Variants in NRG1 observed in about 807,000 individuals in gnomAD.
The protein encoded by NRG1 is pro-neuregulin-1, membrane-bound isoform.
In NRG1, 18 loss-of-function variants were observed where a neutral mutation model predicts 63.8. The ratio of observed to expected loss-of-function variants is 0.28; its 90% CI spans 0.19 to 0.42. NRG1 has a LOEUF of 0.42. NRG1 is among the 10% of genes least tolerant of loss of function. The pLI, the probability that NRG1 is intolerant of heterozygous loss-of-function variation, is 1.00. For synonymous variants in NRG1, 302 were observed against 301.3 expected, an observed-to-expected ratio of 1.00 and a Z score of -0.02; for missense variants, 762 against 814.7, an observed-to-expected ratio of 0.94 and a Z score of 0.79.
Position 32,360,628 on chromosome 8 carries a change from G to C in NRG1, c.38-235200G>C, listed in dbSNP as rs576830094. 4.8e-4 allele frequency among the ~76,000 whole-genome samples: 73 copies of C among 152,154 alleles called. 1 individual carries two copies. The South Asian group carries it at 0.014, about 30-fold the overall frequency. On this transcript the variant is annotated intron_variant, in intron 1 of 10. Transcript: ENST00000519301. ...TATTCAGTTTTGTACCTCATAATTT[G>C]TATTTATAATTTTGTATTCTTCTTC...
intron 1 of NRG1, among the ~76,000 whole-genome samples, chr8:32,330,831 A>G (rs1335258687): frequency 6.6e-6 from 1 of 152,136 alleles, no homozygotes; most frequent in African/African-American, 2.4e-5. Flanking sequence ...GTGAAATTCT[A>G]CTGTGTTAAA....
At chr8:32,519,319 C>T (rs1830118077) in intron 1 of NRG1, among the ~76,000 whole-genome samples, 1 of 151,994 alleles carries the variant, frequency 6.6e-6, no homozygotes, top group Non-Finnish European at 1.5e-5. Flanking sequence ...TGCCCGTAAA[C>T]ATTAAAACTC....
intron 1 of NRG1, among the ~76,000 whole-genome samples, chr8:31,682,956 G>A (rs76336170): frequency 0.031 from 4,760 of 152,182 alleles, 256 homozygotes; most frequent in African/African-American, 0.11. Context: ...AGACTATCAG[G>A]TCCTCATAGT....
At chr8:32,655,180 T>C (rs2976530) in intron 5 of NRG1, among the ~76,000 whole-genome samples, 7,126 of 152,280 alleles carry the variant, frequency 0.047, 582 homozygotes, top group East Asian at 0.36. Context: ...TTTTTCTCCT[T>C]TGATCTTGAC....
chr8:31,743,145 C>A (rs184710028), intron 1 of NRG1, among the ~76,000 whole-genome samples: 2 of 151,942 alleles, frequency 1.3e-5, no homozygotes, highest in African/African-American at 4.8e-5. Flanking sequence ...TGCCTTCTTG[C>A]GGTCTTGCAA....
At chr8:32,449,203 G>A (rs1347799037) in intron 1 of NRG1, among the ~76,000 whole-genome samples, 1 of 152,028 alleles carries the variant, frequency 6.6e-6, no homozygotes, top group Admixed American at 6.6e-5. Flanking sequence ...AGGCTGAGAT[G>A]GGAGGATCAC....
rs1403971561 is a variant in NRG1 at position 32,331,356 on chromosome 8, C to CA, written c.38-264466dup. Among the ~76,000 whole-genome samples, 14 of 15,312 alleles carry CA rather than the reference C, an allele frequency of 9.1e-4. No homozygotes were observed. In the East Asian group the frequency reaches 0.012, roughly 13 times the overall value. 10.0% of individuals were successfully genotyped at this position (15,312 alleles called of 152,430 possible). On this transcript the variant is annotated intron_variant, in intron 1 of 10. Transcript: ENST00000519301. The stretch of plus-strand genomic sequence containing the variant: ...CAACATGGCGAAACTCCCAACTCTA[C>CA]AAAAAATACAAAAAAAAAAAAAAAA...
At chr8:32,136,392 C>T (rs945824978) in intron 1 of NRG1, among the ~76,000 whole-genome samples, 6 of 152,148 alleles carry the variant, frequency 3.9e-5, no homozygotes, top group African/African-American at 1.2e-4. Flanking sequence ...TCATAAAGTC[C>T]GTGGTCTCTG....
chr8:32,403,315 AAAAAG>A (rs996515436), intron 1 of NRG1, among the ~76,000 whole-genome samples: 2 of 150,726 alleles, frequency 1.3e-5, no homozygotes, highest in Non-Finnish European at 3.0e-5. Context: ...AAAAAAAAAA[AAAAAG>A]AAAGAAAAAA....
intron 1 of NRG1, among the ~76,000 whole-genome samples, chr8:31,848,778 C>A (rs1826930968): frequency 6.6e-6 from 1 of 152,116 alleles, no homozygotes; most frequent in Non-Finnish European, 1.5e-5. Context: ...TCCCATCACC[C>A]CCAGATGGGA....
At chr8:32,338,415 C>T (rs1008132820) in intron 1 of NRG1, among the ~76,000 whole-genome samples, 2 of 152,038 alleles carry the variant, frequency 1.3e-5, no homozygotes, top group Admixed American at 6.6e-5. Flanking sequence ...ATGTGTCATA[C>T]GATCATAGGT....
intron 1 of NRG1, among the ~76,000 whole-genome samples, chr8:32,217,237 A>G (rs920927149): frequency 2.2e-5 from 2 of 92,806 alleles, no homozygotes; most frequent in Non-Finnish European, 4.5e-5. Flanking sequence ...AAAAAAAAAA[A>G]AAAAAAATAC....
At chr8:32,535,408 A>T (rs1225020036) in intron 1 of NRG1, among the ~76,000 whole-genome samples, 1 of 152,196 alleles carries the variant, frequency 6.6e-6, no homozygotes, top group Non-Finnish European at 1.5e-5. Context: ...TTTATATAGC[A>T]TTCACCTTCA....
intron 1 of NRG1, among the ~76,000 whole-genome samples, chr8:31,665,264 T>C (rs1806411835): frequency 6.6e-6 from 1 of 152,216 alleles, no homozygotes; most frequent in African/African-American, 2.4e-5. Context: ...GGACAAGTTA[T>C]AGCTGAATTT....
intron 5 of NRG1, among the ~76,000 whole-genome samples, chr8:32,710,110 G>T (rs1218541420): frequency 6.6e-6 from 1 of 152,036 alleles, no homozygotes; most frequent in African/African-American, 2.4e-5. Flanking sequence ...TAAATTACTT[G>T]ACAGTCAGGA....
At chr8:31,723,211 G>A (rs1024630866) in intron 1 of NRG1, among the ~76,000 whole-genome samples, 1 of 152,156 alleles carries the variant, frequency 6.6e-6, no homozygotes, top group African/African-American at 2.4e-5. Flanking sequence ...TTGGTTTAGA[G>A]TGGTGTTCTC....
intron 1 of NRG1, among the ~76,000 whole-genome samples, chr8:32,015,240 C>T (rs1392344615): frequency 6.6e-6 from 1 of 152,060 alleles, no homozygotes; most frequent in Admixed American, 6.6e-5. Flanking sequence ...AACAAAAAAA[C>T]TGTGATGAAA....
At chr8:31,729,982 C>T (rs531746752) in intron 1 of NRG1, among the ~76,000 whole-genome samples, 27 of 152,034 alleles carry the variant, frequency 1.8e-4, no homozygotes, top group Non-Finnish European at 1.8e-4. Context: ...AGAATTCCTA[C>T]GGAGTATAGG....
chr8:32,340,596 C>A (rs939096142), intron 1 of NRG1, among the ~76,000 whole-genome samples: 1 of 152,228 alleles, frequency 6.6e-6, no homozygotes. Context: ...GACCAGCCAA[C>A]AAGCTCAACA....
Sources: allele counts gnomAD v4.1 joint callset (sites outside exome capture counted in the v4.1 genomes callset), GRCh38; gene constraint gnomAD v4.1.1; transcripts MANE v1.5; gene names NCBI Gene and HGNC (gene_info 2026-07-23, HGNC 2026-07-21).